TNS3: variants seen among roughly 807,000 people sequenced by gnomAD.
The protein encoded by TNS3 is tensin 3.
A neutral mutation model predicts 140.9 loss-of-function variants in TNS3; 45 were observed. That is an observed-to-expected ratio of 0.32 (90% CI 0.25 to 0.41). The LOEUF is 0.41. TNS3 is among the 10% of genes least tolerant of loss of function. The pLI is 1.00. For synonymous variants in TNS3, 815 were observed against 788.4 expected, an observed-to-expected ratio of 1.03 and a Z score of -0.56; for missense variants, 1,716 against 1,906.7, an observed-to-expected ratio of 0.90 and a Z score of 1.86.
intron 17 of TNS3, among the ~76,000 whole-genome samples, chr7:47,355,649 A>G (rs1789951605): frequency 6.6e-6 from 1 of 152,200 alleles, no homozygotes; most frequent in African/African-American, 2.4e-5. Flanking sequence ...TGTTTAAAAC[A>G]CCCACAAAGC....
chr7:47,396,637 C>T (rs1426866169), intron 16 of TNS3, 163 bp downstream of exon 16: 1 of 661,418 alleles, frequency 1.5e-6, no homozygotes, highest in African/African-American at 1.8e-5. Flanking sequence ...CGAAGACCCT[C>T]AAAACTCACA....
intron 6 of TNS3, among the ~76,000 whole-genome samples, chr7:47,438,996 T>A (rs758013114): frequency 2.0e-5 from 3 of 152,258 alleles, no homozygotes; most frequent in Middle Eastern, 3.4e-3. Flanking sequence ...TTCTGTATTA[T>A]TCCTCAGATG....
At chr7:47,573,390 G>A (rs1800602363) in intron 1 of TNS3, among the ~76,000 whole-genome samples, 1 of 152,102 alleles carries the variant, frequency 6.6e-6, no homozygotes. Flanking sequence ...AGCCCGCTAG[G>A]TCGCTGGGGC....
At chr7:47,297,284 G>C in intron 23 of TNS3, 71 bp from the exon 24 acceptor site, 1 of 1,512,966 alleles carries the variant, frequency 6.6e-7, no homozygotes, top group Admixed American at 2.2e-5. Context: ...TCATAACCTT[G>C]GGTAGGTCCT....
In TNS3 at chr7:47,321,224, T is replaced by G. The variant is rs573808704; in HGVS notation, c.2651-16221A>C. Among the ~76,000 whole-genome samples, 3 of 152,328 alleles carry G rather than the reference T, an allele frequency of 2.0e-5. No individual in the cohort carries two copies. In the East Asian group the frequency reaches 5.8e-4, roughly 30 times the overall value. On this transcript the variant is annotated intron_variant, in intron 20 of 30. Coordinates refer to ENST00000311160, the MANE Select transcript of TNS3 (RefSeq NM_022748.12). ...TTTGTGTTTTTGTTTCACTAAGGTT[T>G]CCGATTCATACCATGCCTAATGGGT...
intron 27 of TNS3, among the ~76,000 whole-genome samples, chr7:47,287,979 G>C (rs991722577): frequency 2.6e-5 from 4 of 152,224 alleles, no homozygotes; most frequent in African/African-American, 7.2e-5. Flanking sequence ...CAAGATAGAA[G>C]AGAAAGTTTT....
chr7:47,400,072 A>C (rs1793069376), intron 15 of TNS3, among the ~76,000 whole-genome samples: 1 of 152,206 alleles, frequency 6.6e-6, no homozygotes, highest in Non-Finnish European at 1.5e-5. Context: ...ACATGAAAAA[A>C]TGCTAAACAT....
intron 3 of TNS3, among the ~76,000 whole-genome samples, chr7:47,499,913 C>A (rs34211819): frequency 0.38 from 57,362 of 151,876 alleles, 11,040 homozygotes; most frequent in South Asian, 0.5. Flanking sequence ...GCGATGCTGA[C>A]GGCAGGAGAG....
chr7:47,524,280 G>A (rs923264847), intron 2 of TNS3, among the ~76,000 whole-genome samples: 2 of 152,182 alleles, frequency 1.3e-5, no homozygotes, highest in East Asian at 1.9e-4. Context: ...CCCATTTTAG[G>A]GTTGAGAAAA....
chr7:47,537,049 G>T (rs1799624790), intron 1 of TNS3, among the ~76,000 whole-genome samples: 3 of 151,732 alleles, frequency 2.0e-5, no homozygotes, highest in African/African-American at 7.2e-5. Context: ...GCGCCGGCGC[G>T]ACCGGGTTCC....
intron 20 of TNS3, among the ~76,000 whole-genome samples, chr7:47,313,172 C>G (rs1194915658): frequency 6.6e-6 from 1 of 152,148 alleles, no homozygotes; most frequent in Non-Finnish European, 1.5e-5. Context: ...TTGATGAATG[C>G]CATCCTGGAA....
At chr7:47,419,600 G>A (rs1239235400) in intron 10 of TNS3, among the ~76,000 whole-genome samples, 1 of 152,196 alleles carries the variant, frequency 6.6e-6, no homozygotes, top group Non-Finnish European at 1.5e-5. Context: ...TAGGATGAAA[G>A]CGGCTTGAAT....
chr7:47,282,916 A>G (rs1785223149), intron 28 of TNS3, among the ~76,000 whole-genome samples: 3 of 152,108 alleles, frequency 2.0e-5, no homozygotes, highest in Admixed American at 2.0e-4. Context: ...GGCACCACAG[A>G]GAGGCATGGG....
In TNS3 at chr7:47,277,634, G is replaced by A; in HGVS notation, c.*442C>T. On this transcript the variant is annotated 3_prime_UTR_variant, in exon 31 of 31. Coordinates refer to ENST00000311160, the MANE Select transcript of TNS3 (RefSeq NM_022748.12). ...GAGGTGAGGGAAACCCCCGGCCTCG[G>A]GTGCAGCTGGACAGAAGCGCCCATG... is the stretch of plus-strand genomic sequence containing the variant. The A allele has an allele frequency of 4.2e-6, 1 of 238,474 alleles. No homozygotes were observed. Among genetic ancestry groups the A allele is most frequent in the Non-Finnish European group, 8.3e-6 (1 of 120,278 alleles). 14.8% of individuals were successfully genotyped at this position (238,474 alleles called of 1,614,324 possible).
chr7:47,305,130 T>C (rs1295770411), intron 20 of TNS3, 127 bp from the exon 21 acceptor site: 2 of 686,576 alleles, frequency 2.9e-6, no homozygotes, highest in Non-Finnish European at 4.1e-6. Flanking sequence ...TCCATGGCCA[T>C]ACTGAACATG....
Position 47,281,869 on chromosome 7 carries a change from C to T in TNS3, c.4098-1515G>A, listed in dbSNP as rs114047545. ...AGCCCAACCCTGACCCTGAGTCTAC[C>T]ATGTCGCCAAGCTATGCCTCCAGAC... On this transcript the variant is annotated intron_variant, in intron 28 of 30. Transcript: ENST00000311160. Among the ~76,000 whole-genome samples, 315 of 152,124 alleles carry T rather than the reference C, an allele frequency of 2.1e-3. 1 individual carries two copies. Among genetic ancestry groups the T allele is most frequent in the African/African-American group, 3.5e-3 (144 of 41,510 alleles).
intron 16 of TNS3, among the ~76,000 whole-genome samples, chr7:47,391,470 C>T (rs932424242): frequency 6.6e-6 from 1 of 152,144 alleles, no homozygotes; most frequent in Non-Finnish European, 1.5e-5. Context: ...TCTTTAGAGT[C>T]ATCCAATTAC....
At chr7:47,345,115 TC>T in intron 18 of TNS3, 77 bp from the exon 19 acceptor site, 6 of 1,205,346 alleles carry the variant, frequency 5.0e-6, no homozygotes, top group South Asian at 2.5e-5. Context: ...TGGTTGTGGC[TC>T]CCCCAGGCTG....
chr7:47,292,745 T>G, intron 26 of TNS3, 83 bp downstream of exon 26: 1 of 1,242,122 alleles, frequency 8.1e-7, no homozygotes, highest in Non-Finnish European at 1.1e-6. Flanking sequence ...TTTTTCTCAG[T>G]GGATCTTCAT....
Sources: allele counts gnomAD v4.1 joint callset (sites outside exome capture counted in the v4.1 genomes callset), GRCh38; gene constraint gnomAD v4.1.1; transcripts MANE v1.5; gene names NCBI Gene and HGNC (gene_info 2026-07-23, HGNC 2026-07-21).